SEC14L5: variants seen among roughly 807,000 people sequenced by gnomAD.
SEC14L5 encodes SEC14-like protein 5.
Under a neutral mutation model 84.6 loss-of-function variants are expected in SEC14L5, and 96 were observed. That is an observed-to-expected ratio of 1.13 (90% CI 0.96 to 1.34). The LOEUF (loss-of-function observed/expected upper bound fraction) is 1.34, where lower values mean the gene tolerates loss of function less well. Among genes scored for constraint, SEC14L5 ranks in the 40% most tolerant of loss-of-function variants. The probability of loss-of-function intolerance (pLI) is 0.00; values close to 1 mark genes in which losing one functional copy is unlikely to be tolerated. For missense variants in SEC14L5, 1,224 were observed against 942.5 expected (o/e 1.30, Z -3.91); for synonymous variants, 546 against 383.4 (o/e 1.42, Z -4.95).
intron 6 of SEC14L5, among the ~76,000 whole-genome samples, chr16:4,992,417 AT>A (rs1249758753): frequency 6.6e-6 from 1 of 151,934 alleles, no homozygotes; most frequent in Non-Finnish European, 1.5e-5. Context: ...CACCCGGCCA[AT>A]TTTTTCTATT....
At chr16:4,972,264 A>T (rs943512453) in intron 2 of SEC14L5, among the ~76,000 whole-genome samples, 1 of 152,064 alleles carries the variant, frequency 6.6e-6, no homozygotes, top group Non-Finnish European at 1.5e-5. Context: ...TGGCCTCCCA[A>T]TGTGCTGGGA....
chr16:4,974,013 G>A (rs781758759), intron 2 of SEC14L5, among the ~76,000 whole-genome samples: 8 of 151,862 alleles, frequency 5.3e-5, no homozygotes, highest in African/African-American at 1.2e-4. Context: ...GGAACTATCC[G>A]GAGAAGGGAA....
chr16:5,014,921 C>T lies in SEC14L5; in HGVS notation c.2042C>T (p.Ser681Leu), dbSNP rs770543968. Reference protein sequence around the residue: ...SGFSQLSAATSSSSSGQSHSS... With the variant: ...SGFSQLSAATLSSSSGQSHSS... ...TTCTCCCAGCTCAGCGCCGCCACCT[C>T]GTCCTCCTCCTCCGGCCAGTCTCAT... The change falls in exon 16 of 16, where the codon TCG becomes TTG. Residue 681 changes from serine (S) to leucine (L), a missense_variant. Ser to Leu is a moderately radical substitution (Grantham distance 145, BLOSUM62 -2). Coordinates refer to ENST00000251170, the MANE Select transcript of SEC14L5 (RefSeq NM_014692.2). The T allele has an allele frequency of 1.7e-5, 27 of 1,613,030 alleles. No homozygotes were observed. The highest frequency in any genetic ancestry group is 1.6e-4 in the Middle Eastern group (1 of 6,084).
intron 2 of SEC14L5, among the ~76,000 whole-genome samples, chr16:4,964,560 G>A (rs1421170884): frequency 6.6e-6 from 1 of 151,968 alleles, no homozygotes; most frequent in Non-Finnish European, 1.5e-5. Context: ...CTCCAGCCTG[G>A]GTGACAGAGT....
intron 2 of SEC14L5, among the ~76,000 whole-genome samples, chr16:4,977,954 C>T (rs914751217): frequency 1.3e-5 from 2 of 150,378 alleles, no homozygotes; most frequent in African/African-American, 4.9e-5. Flanking sequence ...GTGCGCACCA[C>T]CACGCCTGGC....
intron 14 of SEC14L5, 31 bp from the exon 15 acceptor site, chr16:5,011,064 A>C (rs1246171922): frequency 6.4e-7 from 1 of 1,564,034 alleles, no homozygotes; most frequent in South Asian, 1.2e-5. Context: ...TGGAGGGCGC[A>C]GGGCCTCAGG....
chr16:5,008,538 G>A lies in SEC14L5; in HGVS notation c.1690G>A (p.Glu564Lys), dbSNP rs1410840320. 6.2e-7 allele frequency: 1 copy of A among 1,609,238 alleles called. No homozygotes were observed. Among genetic ancestry groups the A allele is most frequent in the Non-Finnish European group, 8.5e-7 (1 of 1,178,236 alleles). The change falls in exon 14 of 16, where the codon GAA becomes AAA. Residue 564 changes from glutamate to lysine, a missense_variant. Transcript: ENST00000251170. ...GCAGGCGCCCAGGCTGGGCGCCCGGGAACCGGGGACCAGGGCCAGCGGGCA... is the reference window on the plus strand; with the variant it reads ...GCAGGCGCCCAGGCTGGGCGCCCGGAAACCGGGGACCAGGGCCAGCGGGCA... ...TKQAPRLGAR[E>K]PGTRASGQLI...
chr16:4,960,689 C>T (rs1477662725), intron 2 of SEC14L5: 1 of 152,218 alleles, frequency 6.6e-6, no homozygotes, highest in Non-Finnish European at 1.5e-5. Context: ...CTCCATGAGC[C>T]TCCACTCCCC....
intron 10 of SEC14L5, among the ~76,000 whole-genome samples, chr16:5,002,710 A>G (rs1472961894): frequency 6.6e-6 from 1 of 152,138 alleles, no homozygotes; most frequent in Non-Finnish European, 1.5e-5. Flanking sequence ...CGCTGCAGTC[A>G]AACAGTTATT....
intron 2 of SEC14L5, among the ~76,000 whole-genome samples, chr16:4,979,858 CCTT>C (rs1369840177): frequency 1.3e-5 from 2 of 152,202 alleles, no homozygotes; most frequent in African/African-American, 4.8e-5. Flanking sequence ...AGGTGAACCT[CCTT>C]CTCATGCCCC....
chr16:5,011,339 C>G, intron 15 of SEC14L5, 66 bp downstream of exon 15: 3 of 1,490,318 alleles, frequency 2.0e-6, no homozygotes, highest in East Asian at 2.3e-5. Flanking sequence ...AATGCAGATG[C>G]CTGGCCTCCT....
chr16:4,988,058 G>A (rs912133733), intron 3 of SEC14L5, 91 bp from the exon 4 acceptor site: 2 of 1,401,270 alleles, frequency 1.4e-6, no homozygotes, highest in African/African-American at 2.8e-5. Context: ...AGGGCAGGGG[G>A]TGACTGGGGC....
chr16:4,964,888 G>T (rs1011543940), intron 2 of SEC14L5, among the ~76,000 whole-genome samples: 1 of 151,888 alleles, frequency 6.6e-6, no homozygotes, highest in African/African-American at 2.4e-5. Flanking sequence ...GCACCACCAC[G>T]CCCGGCTAAT....
rs926911274 is a variant in SEC14L5, at chr16:4,963,589, G to A, written c.63+4203G>A. 3.3e-5 allele frequency among the ~76,000 whole-genome samples: 5 copies of A among 152,136 alleles called. No homozygotes were observed. The East Asian group carries it at 5.8e-4, about 18-fold the overall frequency. ...TTGAACTCCTGACCTCAAGTGTTCC[G>A]CCCGCCTTGGCCTCCCAAAGTGCTG... On this transcript the variant is annotated intron_variant, in intron 2 of 15. Transcript: ENST00000251170.
chr16:5,012,464 G>A (rs534337456), intron 15 of SEC14L5, among the ~76,000 whole-genome samples: 2 of 152,346 alleles, frequency 1.3e-5, no homozygotes, highest in South Asian at 2.1e-4. Flanking sequence ...CAGGGGGCAG[G>A]TGGTGGCTCG....
chr16:4,965,518 G>A (rs1255047181), intron 2 of SEC14L5, among the ~76,000 whole-genome samples: 11 of 151,502 alleles, frequency 7.3e-5, no homozygotes, highest in African/African-American at 1.2e-4. Context: ...AAAATTAGCC[G>A]GGTGTGGTGG....
chr16:5,007,159 G>A (rs945998287), intron 12 of SEC14L5, among the ~76,000 whole-genome samples, 193 bp from the exon 13 acceptor site: 1 of 152,156 alleles, frequency 6.6e-6, no homozygotes, highest in Non-Finnish European at 1.5e-5. Flanking sequence ...CTTCCTCTGT[G>A]AAACGGGAAG....
chr16:5,012,099 A>G (rs1256734031), intron 15 of SEC14L5, among the ~76,000 whole-genome samples: 2 of 152,196 alleles, frequency 1.3e-5, no homozygotes, highest in East Asian at 3.9e-4. Context: ...TCCCAGGAGC[A>G]TGGGCACCCA....
chr16:4,963,070 T>C (rs1349506767), intron 2 of SEC14L5, among the ~76,000 whole-genome samples: 2 of 152,202 alleles, frequency 1.3e-5, no homozygotes, highest in Admixed American at 6.5e-5. Flanking sequence ...CTTTCAGTTT[T>C]TCTGTTTAAC....
Sources: gnomAD v4.1 joint callset for allele counts (sites outside exome capture counted in the v4.1 genomes callset) on GRCh38, gnomAD v4.1.1 for gene constraint, MANE v1.5 for transcripts, NCBI Gene and HGNC (gene_info 2026-07-23, HGNC 2026-07-21) for gene names.